Variants in PHLPP1 observed in about 807,000 individuals in gnomAD.
The protein encoded by PHLPP1 is PH domain and leucine rich repeat protein phosphatase 1.
In PHLPP1, 42 loss-of-function variants were observed where a neutral mutation model predicts 117.2. The observed-to-expected ratio is 0.36, with a 90% CI of 0.28 to 0.46. PHLPP1 has a LOEUF of 0.46. Ranked by LOEUF, PHLPP1 falls within the 20% of genes least tolerant of loss-of-function variation. PHLPP1 has a pLI of 1.00. For missense variants in PHLPP1, 2,084 were observed against 2,241.9 expected (o/e 0.93, Z 1.42); for synonymous variants, 1,042 against 970.7 (o/e 1.07, Z -1.37).
chr18:62,828,889 G>A (rs1914680926), intron 1 of PHLPP1, among the ~76,000 whole-genome samples: 1 of 152,194 alleles, frequency 6.6e-6, no homozygotes, highest in African/African-American at 2.4e-5. Flanking sequence ...TCTCTGGGCA[G>A]AGGCTTTGGT....
intron 1 of PHLPP1, among the ~76,000 whole-genome samples, chr18:62,812,487 A>T (rs1003544488): frequency 6.6e-6 from 1 of 152,198 alleles, no homozygotes; most frequent in Non-Finnish European, 1.5e-5. Flanking sequence ...AGAGGAGTTA[A>T]GAGTAAATAG....
At chr18:62,957,898 G>A (rs1680301169) in intron 12 of PHLPP1, among the ~76,000 whole-genome samples, 1 of 152,064 alleles carries the variant, frequency 6.6e-6, no homozygotes. Context: ...GTAGAGATGG[G>A]GGTTTCACTG....
At chr18:62,765,946 C>T (rs1267629419) in intron 1 of PHLPP1, among the ~76,000 whole-genome samples, 6 of 148,020 alleles carry the variant, frequency 4.1e-5, no homozygotes, top group African/African-American at 1.0e-4. Context: ...TGCAGTGAGC[C>T]GAGATTGCGC....
chr18:62,782,205 A>G (rs1293941818), intron 1 of PHLPP1, among the ~76,000 whole-genome samples: 1 of 152,174 alleles, frequency 6.6e-6, no homozygotes, highest in South Asian at 2.1e-4. Context: ...CAACTGGAGG[A>G]TGTCTGCCAA....
chr18:62,949,229 A>T (rs1439321244), intron 12 of PHLPP1, among the ~76,000 whole-genome samples: 2 of 152,222 alleles, frequency 1.3e-5, no homozygotes, highest in Non-Finnish European at 2.9e-5. Context: ...AGCTAGTTTC[A>T]CCAAGCATTG....
At chr18:62,718,205 T>A (rs946773197) in intron 1 of PHLPP1, among the ~76,000 whole-genome samples, 1 of 152,256 alleles carries the variant, frequency 6.6e-6, no homozygotes, top group Non-Finnish European at 1.5e-5. Context: ...CTGGTTTGAA[T>A]AATTATGTTC....
chr18:62,839,636 G>A lies in PHLPP1; in HGVS notation c.1899+727G>A, dbSNP rs529856301. On this transcript the variant is annotated intron_variant, in intron 3 of 16. Transcript: ENST00000262719. ...TGGGAGGCTGAGGCACGAAAATTGCGAACTGGGAAGGTGGAGGTTGCAATG... is the reference window on the plus strand; with the variant it reads ...TGGGAGGCTGAGGCACGAAAATTGCAAACTGGGAAGGTGGAGGTTGCAATG... 7 of 150,712 alleles carry A rather than the reference G, an allele frequency of 4.6e-5. No individual in the cohort carries two copies. In the South Asian group the frequency reaches 1.3e-3, roughly 27 times the overall value. 9.3% of individuals were successfully genotyped at this position (150,712 alleles called of 1,614,324 possible).
chr18:62,898,563 G>T (rs958314138), intron 6 of PHLPP1, among the ~76,000 whole-genome samples: 1 of 152,128 alleles, frequency 6.6e-6, no homozygotes, highest in Non-Finnish European at 1.5e-5. Flanking sequence ...TCAGCCCACT[G>T]GTATGTGAGT....
At chr18:62,816,342 G>A (rs1442111842) in intron 1 of PHLPP1, among the ~76,000 whole-genome samples, 3 of 152,096 alleles carry the variant, frequency 2.0e-5, no homozygotes, top group Non-Finnish European at 2.9e-5. Context: ...GAGGTGGGCG[G>A]ATCATGAGGT....
chr18:62,903,237 T>C lies in PHLPP1; in HGVS notation c.2647+71T>C, dbSNP rs577783778. Reference sequence around the variant, plus strand: ...ATTTACCCAGCATCATTATTTCTGCTTCTGATTATTCTTTGCTCAAGTAGT... The same window carrying C: ...ATTTACCCAGCATCATTATTTCTGCCTCTGATTATTCTTTGCTCAAGTAGT... On this transcript the variant is annotated intron_variant, in intron 7 of 16. Transcript: ENST00000262719. 45 of 1,021,190 alleles carry C rather than the reference T, an allele frequency of 4.4e-5. No homozygotes were observed. The East Asian group carries it at 9.8e-4, about 22-fold the overall frequency. 63.3% of individuals were successfully genotyped at this position (1,021,190 alleles called of 1,614,324 possible).
intron 10 of PHLPP1, among the ~76,000 whole-genome samples, chr18:62,931,038 T>A (rs1909790203): frequency 6.6e-6 from 1 of 150,754 alleles, no homozygotes; most frequent in African/African-American, 2.4e-5. Flanking sequence ...AAAAAGAAAA[T>A]ACAAAAAAAT....
At chr18:62,940,663 C>T (rs1910107650) in intron 10 of PHLPP1, among the ~76,000 whole-genome samples, 18 of 152,140 alleles carry the variant, frequency 1.2e-4, no homozygotes, top group Admixed American at 1.2e-3. Flanking sequence ...CACGCCTGGC[C>T]TTTATCCTCT....
intron 14 of PHLPP1, among the ~76,000 whole-genome samples, chr18:62,967,676 A>G (rs955904602): frequency 2.0e-5 from 3 of 151,946 alleles, no homozygotes; most frequent in Admixed American, 6.6e-5. Context: ...ACATTTTGTC[A>G]TAGACTTTTT....
At chr18:62,953,301 G>T (rs1459395220) in intron 12 of PHLPP1, among the ~76,000 whole-genome samples, 1 of 152,106 alleles carries the variant, frequency 6.6e-6, no homozygotes, top group African/African-American at 2.4e-5. Flanking sequence ...CTGCTCTGGG[G>T]CCCAATAGTC....
intron 4 of PHLPP1, among the ~76,000 whole-genome samples, chr18:62,884,256 T>G (rs535881352): frequency 6.6e-6 from 1 of 152,332 alleles, no homozygotes; most frequent in Non-Finnish European, 1.5e-5. Context: ...TATCTCCTAT[T>G]TATGCAGCTG....
intron 3 of PHLPP1, among the ~76,000 whole-genome samples, chr18:62,857,073 A>G (rs763973175): frequency 1.3e-5 from 2 of 151,164 alleles, no homozygotes; most frequent in African/African-American, 4.9e-5. Context: ...TGGCACCTCT[A>G]GTAGATATTC....
intron 8 of PHLPP1, among the ~76,000 whole-genome samples, chr18:62,905,856 C>T (rs1182057084): frequency 6.6e-6 from 1 of 152,140 alleles, no homozygotes; most frequent in Non-Finnish European, 1.5e-5. Flanking sequence ...TAATTTGCTT[C>T]TGCAGTGTAT....
Position 62,941,914 on chromosome 18 carries a change from G to A in PHLPP1, c.3157G>A (p.Ala1053Thr), listed in dbSNP as rs774709828. 2 of 1,612,622 alleles carry A rather than the reference G, an allele frequency of 1.2e-6. No homozygotes were observed. Among genetic ancestry groups the A allele is most frequent in the Admixed American group, 1.7e-5 (1 of 59,984 alleles). The change falls in exon 11 of 17, where the codon GCA becomes ACA. Residue 1053 changes from alanine (A) to threonine (T), a missense_variant. Ala to Thr is a moderately conservative substitution (Grantham distance 58). Around this residue, in one of 2 missense-constraint regions of PHLPP1, gnomAD observed 1,365 missense variants for 1,605.9 expected, o/e 0.85. Transcript: ENST00000262719. ...CTATAACCGACTTCAGAGTTTTCCA[G>A]CAAGGTAAAGGACAGTTGTAAAGCT... ...MAYNRLQSFP[A>T]SKMAKLEELE...
intron 1 of PHLPP1, among the ~76,000 whole-genome samples, chr18:62,786,493 G>T (rs557818123): frequency 6.6e-6 from 1 of 152,028 alleles, no homozygotes; most frequent in Non-Finnish European, 1.5e-5. Flanking sequence ...TGTGACCTTG[G>T]GTAAGTTACT....
Sources: gnomAD v4.1 joint callset for allele counts (sites outside exome capture counted in the v4.1 genomes callset) on GRCh38, gnomAD v4.1.1 for gene constraint, gnomAD v4.1.1 regional missense constraint, MANE v1.5 for transcripts, NCBI Gene and HGNC (gene_info 2026-07-23, HGNC 2026-07-21) for gene names.